Variants in CREB1 observed in about 807,000 individuals in gnomAD.
CREB1 encodes cyclic AMP-responsive element-binding protein 1.
In CREB1, 2 loss-of-function variants were observed where a neutral mutation model predicts 42.0. The ratio of observed to expected loss-of-function variants is 0.05; its 90% CI spans 0.02 to 0.15. The LOEUF is 0.15. Among genes scored for constraint, CREB1 ranks in the 10% least tolerant of loss-of-function variants. CREB1 has a pLI of 1.00. For synonymous variants in CREB1, 123 were observed against 139.9 expected (o/e 0.88, Z 0.85); for missense variants, 199 against 388.9 (o/e 0.51, Z 4.11).
At chr2:207,585,013 G>C (rs920287591) in intron 7 of CREB1, among the ~76,000 whole-genome samples, 1 of 151,720 alleles carries the variant, frequency 6.6e-6, no homozygotes, top group Non-Finnish European at 1.5e-5. Flanking sequence ...ACTTACACAC[G>C]TCTAGGAGCC....
In CREB1 at chr2:207,578,792, CT is replaced by C. The variant is rs56965769; in HGVS notation, c.839+1148del. Reference sequence around the variant, plus strand: ...AAAGAGTTGGAAACAAGCCAAGTGACTTTTTTTTTTTCTCCCGAGATGAAGT... The same window carrying C: ...AAAGAGTTGGAAACAAGCCAAGTGACTTTTTTTTTTCTCCCGAGATGAAGT... On this transcript the variant is annotated intron_variant, in intron 7 of 7. Transcript: ENST00000353267. 9.6e-3 allele frequency among the ~76,000 whole-genome samples: 1,403 copies of C among 146,710 alleles called. 23 individuals are homozygous for C. The highest frequency in any genetic ancestry group is 0.033 in the African/African-American group (1,318 of 39,838).
At chr2:207,560,085 T>A (rs2081895889) in intron 2 of CREB1, 141 bp from the exon 3 acceptor site, 1 of 654,728 alleles carries the variant, frequency 1.5e-6, no homozygotes, top group East Asian at 2.7e-5. Context: ...ATATTAAATT[T>A]AGTCATTACT....
chr2:207,551,094 T>C (rs1193121344), intron 1 of CREB1, among the ~76,000 whole-genome samples: 1 of 152,236 alleles, frequency 6.6e-6, no homozygotes, highest in Non-Finnish European at 1.5e-5. Flanking sequence ...ACCATTTTTC[T>C]TATAGAAAAA....
chr2:207,531,251 C>A lies in CREB1; in HGVS notation c.-9+1117C>A, dbSNP rs191813266. On this transcript the variant is annotated intron_variant, in intron 1 of 7. Transcript: ENST00000353267. ...CCAACCGCGTTTGGGTCATCTGGAT[C>A]TCCCCTCACCCTCCGTCCCACTCCC... 2.5e-3 allele frequency among the ~76,000 whole-genome samples: 387 copies of A among 152,256 alleles called. 2 individuals are homozygous for A. The highest frequency in any genetic ancestry group is 4.6e-3 in the Non-Finnish European group (311 of 68,008).
At chr2:207,576,716 C>A in intron 6 of CREB1, 2 of 1,224,052 alleles carry the variant, frequency 1.6e-6, no homozygotes, top group South Asian at 1.6e-5. Flanking sequence ...GTATATAAAT[C>A]TTTTCCACTC....
intron 4 of CREB1, among the ~76,000 whole-genome samples, chr2:207,569,643 T>TA (rs2082277584): frequency 1.3e-5 from 2 of 152,152 alleles, no homozygotes; most frequent in Admixed American, 1.3e-4. Context: ...ACATTGAGGT[T>TA]AAAGATAATA....
chr2:207,575,442 G>A lies in CREB1; in HGVS notation c.676G>A (p.Val226Ile). The A allele has an allele frequency of 6.2e-7, 1 of 1,611,020 alleles. No individual in the cohort carries two copies. Among genetic ancestry groups the A allele is most frequent in the Non-Finnish European group, 8.5e-7 (1 of 1,177,838 alleles). ...GCAGATCTTAGTGCCCAGCAACCAA[G>A]TTGTTGTTCAAGGTAAGGGAATTCA... Reference protein sequence around the residue: ...GQQILVPSNQVVVQAASGDVQ... With the variant: ...GQQILVPSNQIVVQAASGDVQ... Residue 226 changes from valine (V) to isoleucine (I), a missense_variant, in exon 6 of 8, where the codon GTT (valine) becomes ATT (isoleucine). By Grantham distance (29) the Val-to-Ile change is conservative (BLOSUM62 3). Coordinates refer to ENST00000353267, the MANE Select transcript of CREB1 (RefSeq NM_004379.5).
chr2:207,558,220 G>A (rs1037580913), intron 2 of CREB1, among the ~76,000 whole-genome samples: 7 of 152,176 alleles, frequency 4.6e-5, no homozygotes, highest in African/African-American at 1.7e-4. Context: ...TCTTTATAGG[G>A]ATCTTCCCCC....
intron 6 of CREB1, chr2:207,576,983 GAT>G: frequency 2.3e-6 from 2 of 886,074 alleles, no homozygotes; most frequent in Non-Finnish European, 2.7e-6. Context: ...GGCATCAAGT[GAT>G]ACACTTTTTC....
At chr2:207,533,474 CAG>C (rs1032879232) in intron 1 of CREB1, among the ~76,000 whole-genome samples, 9 of 152,052 alleles carry the variant, frequency 5.9e-5, no homozygotes, top group Admixed American at 1.3e-4. Flanking sequence ...CTTTTTATAA[CAG>C]AAAATTATTT....
intron 2 of CREB1, among the ~76,000 whole-genome samples, chr2:207,558,505 C>T (rs1008603151): frequency 1.3e-5 from 2 of 152,146 alleles, no homozygotes; most frequent in Non-Finnish European, 1.5e-5. Flanking sequence ...TTCCCTCGTT[C>T]CCATCTCTAC....
At chr2:207,582,750 C>T (rs924371385) in intron 7 of CREB1, 9 of 189,300 alleles carry the variant, frequency 4.8e-5, no homozygotes, top group African/African-American at 1.4e-4. Flanking sequence ...AAAATTTAGC[C>T]GGGGTGGTGG....
chr2:207,592,141 AAGTGACAGACTTTAAAGAT>A (rs1290643658), intron 7 of CREB1, among the ~76,000 whole-genome samples: 2 of 152,008 alleles, frequency 1.3e-5, no homozygotes, highest in Non-Finnish European at 2.9e-5. Flanking sequence ...TTTTTCTTTG[AAGTGACAGACTTTAAAGAT>A]GTCACTTAAG....
At chr2:207,585,866 C>T (rs951299791) in intron 7 of CREB1, among the ~76,000 whole-genome samples, 26 of 152,068 alleles carry the variant, frequency 1.7e-4, no homozygotes, top group African/African-American at 5.6e-4. Flanking sequence ...AGAAAGCCTA[C>T]ATAGGACATC....
rs115145697 is a variant in CREB1 at position 207,535,120 on chromosome 2, T to G, written c.-9+4986T>G. On this transcript the variant is annotated intron_variant, in intron 1 of 7. Transcript: ENST00000353267. ...AGGGAAACTGCCATCTTGCCTTTATTTCTTTAAATGAAAAACTTTCTATTT... is the reference window on the plus strand; with the variant it reads ...AGGGAAACTGCCATCTTGCCTTTATGTCTTTAAATGAAAAACTTTCTATTT... Among the ~76,000 whole-genome samples the G allele has an allele frequency of 2.5e-3, 385 of 152,362 alleles. 2 individuals are homozygous for G. Among genetic ancestry groups the G allele is most frequent in the Non-Finnish European group, 4.6e-3 (315 of 68,026 alleles).
At chr2:207,560,060 G>C (rs2081894324) in intron 2 of CREB1, among the ~76,000 whole-genome samples, 166 bp from the exon 3 acceptor site, 2 of 152,094 alleles carry the variant, frequency 1.3e-5, no homozygotes, top group Non-Finnish European at 1.5e-5. Context: ...TTTTTATAGT[G>C]TTTTTTCTTA....
intron 1 of CREB1, among the ~76,000 whole-genome samples, chr2:207,537,454 T>G (rs931222764): frequency 1.3e-5 from 2 of 152,218 alleles, no homozygotes; most frequent in African/African-American, 4.8e-5. Context: ...GTTAAATGAT[T>G]TCCCACAGTG....
intron 5 of CREB1, among the ~76,000 whole-genome samples, chr2:207,571,022 C>CTT (rs71036933): frequency 1.5e-5 from 1 of 68,420 alleles, no homozygotes; most frequent in African/African-American, 3.9e-5. Context: ...CTCTTTTTCC[C>CTT]TTTTTTTTTT....
chr2:207,555,195 A>G (rs540741228), intron 1 of CREB1, among the ~76,000 whole-genome samples: 1 of 152,330 alleles, frequency 6.6e-6, no homozygotes, highest in Admixed American at 6.5e-5. Context: ...TATAGGAGGT[A>G]TTATGAAGCC....
Sources: gnomAD v4.1 joint callset for allele counts (sites outside exome capture counted in the v4.1 genomes callset) on GRCh38, gnomAD v4.1.1 for gene constraint, MANE v1.5 for transcripts, NCBI Gene and HGNC (gene_info 2026-07-23, HGNC 2026-07-21) for gene names.